Variants in FLG observed in about 807,000 individuals in gnomAD.
FLG encodes filaggrin.
FLG carries 6 observed loss-of-function variants against 3.8 expected under a neutral mutation model. That is an observed-to-expected ratio of 1.60 (90% confidence interval 0.87 to 3.15). The LOEUF is 3.15. FLG is among the 30% of genes most tolerant of loss of function. FLG has a pLI of 0.00. For missense variants in FLG, 7,595 were observed against 5,050.9 expected, an observed-to-expected ratio of 1.50 and a Z score of -15.27; for synonymous variants, 2,551 against 1,931.6, an observed-to-expected ratio of 1.32 and a Z score of -8.41.
At position 152,310,178 on chromosome 1, in the gene FLG, T is replaced by A; in HGVS notation, c.4708A>T (p.Ser1570Cys). 1.2e-6 allele frequency: 2 copies of A among 1,613,838 alleles called. No homozygotes were observed. The highest frequency in any genetic ancestry group is 2.2e-5 in the South Asian group (2 of 91,058). Residue 1570 changes from serine (S) to cysteine (C), a missense_variant, in exon 3 of 3, where the codon AGC becomes TGC. Physicochemically the swap from Ser to Cys is moderately radical, Grantham distance 112. Coordinates refer to ENST00000368799, the MANE Select transcript of FLG (RefSeq NM_002016.2). ...TGGCCCACCTGTGAGTGTCTAGAGC[T>A]GCCGGCCCGAGTGGAAGGTTCATGG... ...RHHEPSTRAG[S>C]SRHSQVGQGE...
chr1:152,303,111 A>AG lies in FLG; in HGVS notation c.11774dup (p.Lys3926Ter), dbSNP rs1295970097. The AG allele has an allele frequency of 1.2e-6, 2 of 1,614,200 alleles. No individual in the cohort carries two copies. Among genetic ancestry groups the AG allele is most frequent in the Non-Finnish European group, 1.7e-6 (2 of 1,180,032 alleles). On this transcript the variant is annotated frameshift_variant, in exon 3 of 3. Coordinates refer to ENST00000368799, the MANE Select transcript of FLG (RefSeq NM_002016.2). LOFTEE classifies it low-confidence loss of function (END_TRUNC). The stretch of plus-strand genomic sequence containing the variant: ...GACTACTAAAGTGACCATGTTCCTT[A>AG]GCGGTACTAGAGTCTGACTGTACAG...
At position 152,308,128 on chromosome 1, in the gene FLG, G is replaced by T. The variant is rs1652109088; in HGVS notation, c.6758C>A (p.Ser2253Ter). The change falls in exon 3 of 3, where the codon TCA becomes TAA. Residue 2253 changes from serine to a stop codon, truncating the protein, a stop_gained. Coordinates refer to ENST00000368799, the MANE Select transcript of FLG (RefSeq NM_002016.2). LOFTEE classifies it low-confidence loss of function (END_TRUNC). ...VSQDSDSEGH[S>*]EDSERRSGSA... ...CCCAGACCGCCTCTCAGAATCTTCT[G>T]AGTGTCCCTCACTGTCACTGTCCTG... 1 of 1,613,908 alleles carries T rather than the reference G, an allele frequency of 6.2e-7. No homozygotes were observed. Among genetic ancestry groups the T allele is most frequent in the Non-Finnish European group, 8.5e-7 (1 of 1,180,024 alleles).
At chr1:152,316,495 T>A (rs1307173526) in intron 1 of FLG, among the ~76,000 whole-genome samples, 1 of 151,976 alleles carries the variant, frequency 6.6e-6, no homozygotes, top group African/African-American at 2.4e-5. Flanking sequence ...TTAATAGAAT[T>A]ACAAATAATT....
rs749112871 is a variant in FLG, at chr1:152,309,727, C to G, written c.5159G>C (p.Ser1720Thr). The change falls in exon 3 of 3, where the codon AGT (serine) becomes ACT (threonine). Residue 1720 changes from serine to threonine, a missense_variant. Transcript: ENST00000368799. ...CTCTTCTGAGTGTCCCTCGCTGTCA[C>G]TGGCCTGGCTACCACTGGACCCTCG... ...GNRGSSGSQA[S>T]DSEGHSEESD... The G allele has an allele frequency of 1.9e-6, 3 of 1,614,086 alleles. No homozygotes were observed. The highest frequency in any genetic ancestry group is 1.7e-6 in the Non-Finnish European group (2 of 1,180,008).
At position 152,313,886 on chromosome 1, in the gene FLG, T is replaced by G. The variant is rs1652643336; in HGVS notation, c.1000A>C (p.Arg334=). The G allele has an allele frequency of 6.2e-7, 1 of 1,613,938 alleles. No individual in the cohort carries two copies. Among genetic ancestry groups the G allele is most frequent in the East Asian group, 2.2e-5 (1 of 44,858 alleles). The change falls in exon 3 of 3, where the codon AGA becomes CGA. Residue 334 remains arginine (R), a synonymous_variant. Transcript: ENST00000368799. ...TCTTCATCATGGGACCTGGGGTGTC[T>G]GGAGCCATCTCTTGACTGCTCCCAC... The part of the protein sequence containing the change: ...SAWEQSRDGS[R]HPRSHDEDRA...
chr1:152,308,529 A>C lies in FLG; in HGVS notation c.6357T>G (p.Tyr2119Ter), dbSNP rs776681299. ...PSTGGRQGSH[Y>*]DQAQDSSRHS... ...GCCTGGAGCTGTCTTGTGCCTGATCATAATGGGATCCTTGTCTTCCTCCAG... is the reference window on the plus strand; with the variant it reads ...GCCTGGAGCTGTCTTGTGCCTGATCCTAATGGGATCCTTGTCTTCCTCCAG... Residue 2119 changes from tyrosine (Y) to a stop codon, truncating the protein, a stop_gained, in exon 3 of 3, where the codon TAT (tyrosine) becomes TAG (stop). Coordinates refer to ENST00000368799, the MANE Select transcript of FLG (RefSeq NM_002016.2). LOFTEE classifies it low-confidence loss of function (END_TRUNC). 1.2e-6 allele frequency: 2 copies of C among 1,613,108 alleles called. No homozygotes were observed. The highest frequency in any genetic ancestry group is 1.7e-5 in the Admixed American group (1 of 59,916).
At chr1:152,323,087 T>C (rs2101659260) in intron 1 of FLG, among the ~76,000 whole-genome samples, 1 of 151,668 alleles carries the variant, frequency 6.6e-6, no homozygotes, top group African/African-American at 2.4e-5. Context: ...ATGGCAAAGA[T>C]GGTAGTGTAG....
Position 152,307,737 on chromosome 1 carries a change from C to T in FLG, c.7149G>A (p.Val2383=). ...GHSEDSDTQS[V]SAHGQAGPHQ... ...GGGGCCCAGCCTGTCCGTGGGCTGA[C>T]ACTGACTGTGTGTCTGAGTCTTCTG... Residue 2383 remains valine (V), a synonymous_variant, in exon 3 of 3, where the codon GTG becomes GTA. Coordinates refer to ENST00000368799, the MANE Select transcript of FLG (RefSeq NM_002016.2). 1 of 1,613,504 alleles carries T rather than the reference C, an allele frequency of 6.2e-7. No homozygotes were observed. The highest frequency in any genetic ancestry group is 8.5e-7 in the Non-Finnish European group (1 of 1,179,854).
rs1024323592 is a variant in FLG, at chr1:152,307,370, C to T, written c.7516G>A (p.Gly2506Arg). 1.2e-6 allele frequency: 2 copies of T among 1,613,036 alleles called. No individual in the cohort carries two copies. Among genetic ancestry groups the T allele is most frequent in the African/African-American group, 2.7e-5 (2 of 74,724 alleles). ...CTTGCACTTCTGGATCCTGAGTGCCCATGGGAGGCATCAGACCTTCCCTGG... is the reference window on the plus strand; with the variant it reads ...CTTGCACTTCTGGATCCTGAGTGCCTATGGGAGGCATCAGACCTTCCCTGG... ...TSQGRSDASH[G>R]HSGSRSASRQ... Residue 2506 changes from glycine to arginine, a missense_variant, in exon 3 of 3, where the codon GGG (glycine) becomes AGG (arginine). Gly to Arg is a moderately radical substitution (Grantham distance 125). Transcript: ENST00000368799.
rs747072444 is a variant in FLG, at chr1:152,304,885, C to A, written c.10001G>T (p.Gly3334Val). ...ATCACTGGCCTGACTACCACTGGAC[C>A]CCCAGTGTCTACTGTCTCTGACTGC... The part of the protein sequence containing the change: ...SSAVRDSRHW[G>V]SSGSQASDSE... The change falls in exon 3 of 3, where the codon GGG becomes GTG. Residue 3334 changes from glycine (G) to valine (V), a missense_variant. Physicochemically the swap from Gly to Val is moderately radical, Grantham distance 109 (BLOSUM62 -3). Coordinates refer to ENST00000368799, the MANE Select transcript of FLG (RefSeq NM_002016.2). 1 of 1,613,772 alleles carries A rather than the reference C, an allele frequency of 6.2e-7. No homozygotes were observed.
rs374998982 is a variant in FLG, at chr1:152,311,070, C to T, written c.3816G>A (p.Gln1272=). ...TSRHQGSSVS[Q]DSDSERHSDD... Reference sequence around the variant, plus strand: ...CTGAGTGTCTCTCACTGTCACTGTCCTGGCTAACACTGGATCCCTGGTGCC... The same window carrying T: ...CTGAGTGTCTCTCACTGTCACTGTCTTGGCTAACACTGGATCCCTGGTGCC... Residue 1272 remains glutamine, a synonymous_variant, in exon 3 of 3, where the codon CAG becomes CAA. Coordinates refer to ENST00000368799, the MANE Select transcript of FLG (RefSeq NM_002016.2). 12 of 1,613,842 alleles carry T rather than the reference C, an allele frequency of 7.4e-6. No homozygotes were observed. The Admixed American group carries it at 2.0e-4, about 27-fold the overall frequency.
At position 152,303,683 on chromosome 1, in the gene FLG, G is replaced by T. The variant is rs143135026; in HGVS notation, c.11203C>A (p.Gln3735Lys). ...CGTGCCTGCTCGTGGCGGGATCCTT[G>T]TCTTCCTCCAGTACTGGGCCCAGCC... ...GRAGPSTGGR[Q>K]GSRHEQARDS... is the part of the protein sequence containing the mutation. The change falls in exon 3 of 3, where the codon CAA (glutamine) becomes AAA (lysine). Residue 3735 changes from glutamine to lysine, a missense_variant. Coordinates refer to ENST00000368799, the MANE Select transcript of FLG (RefSeq NM_002016.2). The T allele has an allele frequency of 6.2e-7, 1 of 1,613,946 alleles. No individual in the cohort carries two copies. Among genetic ancestry groups the T allele is most frequent in the East Asian group, 2.2e-5 (1 of 44,864 alleles).
chr1:152,319,811 AAT>A (rs1311881311), intron 1 of FLG, among the ~76,000 whole-genome samples: 7 of 151,528 alleles, frequency 4.6e-5, no homozygotes, highest in African/African-American at 1.7e-4. Flanking sequence ...CTGTAAAGGA[AAT>A]ATTAAAGGAT....
chr1:152,320,845 G>A lies in FLG; in HGVS notation c.-22+4344C>T, dbSNP rs1451557113. Among the ~76,000 whole-genome samples, 3 of 150,642 alleles carry A rather than the reference G, an allele frequency of 2.0e-5. No individual in the cohort carries two copies. In the South Asian group the frequency reaches 6.2e-4, roughly 31 times the overall value. On this transcript the variant is annotated intron_variant, in intron 1 of 2. Coordinates refer to ENST00000368799, the MANE Select transcript of FLG (RefSeq NM_002016.2). ...CATAGAGTTTGTTCTCTAACACAGT[G>A]GAATGAAGCAAGCATTAAATAATAG...
At position 152,309,608 on chromosome 1, in the gene FLG, C is replaced by A. The variant is rs1381297842; in HGVS notation, c.5278G>T (p.Gly1760Ter). Residue 1760 changes from glycine to a stop codon, truncating the protein, a stop_gained, in exon 3 of 3, where the codon GGA becomes TGA. Coordinates refer to ENST00000368799, the MANE Select transcript of FLG (RefSeq NM_002016.2). LOFTEE classifies it low-confidence loss of function (END_TRUNC). ...STRGQSGERSGRSGSFLYQVS... is the reference protein window; with the variant it reads ...STRGQSGERS ...TGGTAGAGGAAAGACCCTGAACGTC[C>A]AGACCTTTCCCCTGACTGGCCACGT... 1 of 1,613,914 alleles carries A rather than the reference C, an allele frequency of 6.2e-7. No individual in the cohort carries two copies. Among genetic ancestry groups the A allele is most frequent in the South Asian group, 1.1e-5 (1 of 91,036 alleles).
In FLG at chr1:152,309,483, G is replaced by T. The variant is rs1449383370; in HGVS notation, c.5403C>A (p.Ser1801=). Residue 1801 remains serine (S), a synonymous_variant, in exon 3 of 3, where the codon TCC becomes TCA. Transcript: ENST00000368799. The part of the protein sequence containing the change: ...RSRHEQARDS[S]RHSASQEGQD... ...GACCCTCTTGGGACGCTGAGTGCCT[G>T]GAGCTGTCTCGTGCCTGCTCGTGGC... The T allele has an allele frequency of 1.2e-6, 2 of 1,613,860 alleles. No individual in the cohort carries two copies. Among genetic ancestry groups the T allele is most frequent in the Admixed American group, 3.3e-5 (2 of 59,984 alleles).
At position 152,309,045 on chromosome 1, in the gene FLG, C is replaced by A. The variant is rs748135905; in HGVS notation, c.5841G>T (p.Trp1947Cys). Residue 1947 changes from tryptophan (W) to cysteine (C), a missense_variant, in exon 3 of 3, where the codon TGG becomes TGT. By Grantham distance (215) the Trp-to-Cys change is radical. Transcript: ENST00000368799. ...GTCTGGAGCCATCTCTTGACTGCTC[C>A]CAAGCAGATCCAAGATGGTTTCTGG... ...SASRNHLGSA[W>C]EQSRDGSRHP... The A allele has an allele frequency of 5.0e-6, 8 of 1,614,188 alleles. No individual in the cohort carries two copies. The highest frequency in any genetic ancestry group is 6.8e-6 in the Non-Finnish European group (8 of 1,180,038).
At chr1:152,317,188 T>G (rs1428833767) in intron 1 of FLG, among the ~76,000 whole-genome samples, 1 of 152,046 alleles carries the variant, frequency 6.6e-6, no homozygotes, top group Non-Finnish European at 1.5e-5. Flanking sequence ...TACTGGATCA[T>G]TCCCTTCAAT....
In FLG at chr1:152,312,913, C is replaced by G. The variant is rs764690553; in HGVS notation, c.1973G>C (p.Arg658Thr). 3 of 1,613,930 alleles carry G rather than the reference C, an allele frequency of 1.9e-6. No homozygotes were observed. Among genetic ancestry groups the G allele is most frequent in the Non-Finnish European group, 2.5e-6 (3 of 1,180,044 alleles). Residue 658 changes from arginine to threonine, a missense_variant, in exon 3 of 3, where the codon AGA (arginine) becomes ACA (threonine). Physicochemically the swap from Arg to Thr is moderately conservative, Grantham distance 71. Transcript: ENST00000368799. ...SAQEQSRDGS[R>T]HPRSHHEDRA... ...GTCTTCGTGATGGGACCTGGGGTGT[C>G]TGGAGCCATCTCTTGACTGCTCCTG...
Sources: gnomAD v4.1 joint callset for allele counts (sites outside exome capture counted in the v4.1 genomes callset) on GRCh38, gnomAD v4.1.1 for gene constraint, MANE v1.5 for transcripts, NCBI Gene and HGNC (gene_info 2026-07-23, HGNC 2026-07-21) for gene names.